The following ARHGAP6 variants were observed in gnomAD, a reference collection of about 807,000 sequenced individuals.
ARHGAP6 encodes the protein rho GTPase-activating protein 6.
A neutral mutation model predicts 55.7 loss-of-function variants in ARHGAP6; 16 were observed. The ratio of observed to expected loss-of-function variants is 0.29; its 90% confidence interval spans 0.19 to 0.44. The LOEUF (loss-of-function observed/expected upper bound fraction) is 0.44, where lower values mean the gene tolerates loss of function less well. ARHGAP6 is among the 20% of genes least tolerant of loss of function. The pLI, the probability that ARHGAP6 is intolerant of heterozygous loss-of-function variation, is 1.00. For synonymous variants in ARHGAP6, 382 were observed against 360.9 expected, an observed-to-expected ratio of 1.06 and a Z score of -0.66; for missense variants, 698 against 808.9, an observed-to-expected ratio of 0.86 and a Z score of 1.66.
chrX:11,162,501 T>C (rs753693065), intron 9 of ARHGAP6, among the ~76,000 whole-genome samples: 1 of 111,484 alleles, frequency 9.0e-6, no homozygotes, highest in African/African-American at 3.3e-5. Flanking sequence ...TTACCTGCAC[T>C]TCTATGACCC....
At chrX:11,190,932 A>G (rs1206286936) in intron 3 of ARHGAP6, among the ~76,000 whole-genome samples, 1 of 112,311 alleles carries the variant, frequency 8.9e-6, no homozygotes, top group African/African-American at 3.2e-5. Flanking sequence ...TGTGCCCTCC[A>G]CCACCCTCCT....
intron 1 of ARHGAP6, among the ~76,000 whole-genome samples, chrX:11,347,492 G>T (rs1156665623): frequency 1.8e-5 from 2 of 112,143 alleles, no homozygotes; most frequent in Non-Finnish European, 3.8e-5. Context: ...TAATAAAACA[G>T]AGAGTGCAGA....
chrX:11,264,149 GGATCT>G (rs2047594920), intron 1 of ARHGAP6, among the ~76,000 whole-genome samples: 1 of 110,441 alleles, frequency 9.1e-6, no homozygotes, highest in East Asian at 2.8e-4. Context: ...TCTATGATTA[GGATCT>G]GCCTTTTGCC....
chrX:11,611,042 G>A (rs1040163896), intron 1 of ARHGAP6, among the ~76,000 whole-genome samples: 1 of 112,719 alleles, frequency 8.9e-6, no homozygotes, highest in African/African-American at 3.2e-5. Context: ...TTTTATGGAT[G>A]TACCATATTT....
chrX:11,404,219 C>A (rs930963517), intron 1 of ARHGAP6, among the ~76,000 whole-genome samples: 5 of 111,212 alleles, frequency 4.5e-5, no homozygotes, highest in Non-Finnish European at 7.5e-5. Context: ...TCTGTCTTGT[C>A]CCCCTACCAT....
chrX:11,367,942 C>G (rs1464353680), intron 1 of ARHGAP6: 3 of 180,855 alleles, frequency 1.7e-5, no homozygotes, highest in Non-Finnish European at 1.7e-5. Context: ...ACGTGAACTG[C>G]CTTCAACCAA....
At chrX:11,256,782 G>C (rs2047499629) in intron 1 of ARHGAP6, among the ~76,000 whole-genome samples, 1 of 111,816 alleles carries the variant, frequency 8.9e-6, no homozygotes, top group Non-Finnish European at 1.9e-5. Flanking sequence ...TGTTAAAGAA[G>C]TTATGGCTTT....
At chrX:11,465,230 A>C (rs1381099085) in intron 1 of ARHGAP6, among the ~76,000 whole-genome samples, 2 of 112,044 alleles carry the variant, frequency 1.8e-5, no homozygotes, top group Non-Finnish European at 3.8e-5. Context: ...CTTTGCGTGC[A>C]ACTCTAATTT....
At chrX:11,153,597 G>C (rs770337926) in intron 10 of ARHGAP6, among the ~76,000 whole-genome samples, 7 of 96,030 alleles carry the variant, frequency 7.3e-5, no homozygotes, top group African/African-American at 2.3e-4. Context: ...AGCCTCAAAA[G>C]ACCACTAAAA....
At chrX:11,664,188 A>G (rs9887011) in intron 1 of ARHGAP6, 53 bp downstream of exon 1, 199,535 of 1,100,337 alleles carry the variant, frequency 0.18, 13,593 homozygotes, top group Middle Eastern at 0.23. Context: ...GTCTCCTGAA[A>G]CTGCCTGGGG....
At chrX:11,194,970 T>C (rs1381833335) in intron 3 of ARHGAP6, among the ~76,000 whole-genome samples, 2 of 112,253 alleles carry the variant, frequency 1.8e-5, no homozygotes, top group Non-Finnish European at 3.8e-5. Context: ...TGTATGGCTG[T>C]TCTCATTCAA....
chrX:11,598,663 G>A (rs2051933011), intron 1 of ARHGAP6, among the ~76,000 whole-genome samples: 1 of 112,620 alleles, frequency 8.9e-6, no homozygotes, highest in South Asian at 3.7e-4. Flanking sequence ...CATCCATGTT[G>A]CTGCAAAGGA....
Position 11,665,777 on chromosome X carries a change from G to A in ARHGAP6, c.-949C>T, listed in dbSNP as rs2052751540. Reference sequence around the variant, plus strand: ...AGCGGGAAGGGGGCGGCCAGGACGTGTAGAGCTGGAGGAATGCCGGGGCTG... The same window carrying A: ...AGCGGGAAGGGGGCGGCCAGGACGTATAGAGCTGGAGGAATGCCGGGGCTG... On this transcript the variant is annotated 5_prime_UTR_variant, in exon 1 of 13. Coordinates refer to ENST00000337414, the MANE Select transcript of ARHGAP6 (RefSeq NM_013427.3). 1 of 113,481 alleles carries A rather than the reference G, an allele frequency of 8.8e-6. No homozygotes were observed. Among genetic ancestry groups the A allele is most frequent in the East Asian group, 2.8e-4 (1 of 3,597 alleles). 9.4% of individuals were successfully genotyped at this position (113,481 alleles called of 1,213,427 possible).
At chrX:11,400,502 G>A (rs1211033353) in intron 1 of ARHGAP6, among the ~76,000 whole-genome samples, 1 of 91,558 alleles carries the variant, frequency 1.1e-5, no homozygotes, top group Non-Finnish European at 2.2e-5. Context: ...GTGCCCCCCC[G>A]CACCCCGTCC....
At chrX:11,609,423 T>C (rs910341724) in intron 1 of ARHGAP6, among the ~76,000 whole-genome samples, 1 of 111,868 alleles carries the variant, frequency 8.9e-6, no homozygotes, top group Non-Finnish European at 1.9e-5. Context: ...CTATGGCATT[T>C]TTCTACTTAC....
intron 10 of ARHGAP6, among the ~76,000 whole-genome samples, chrX:11,153,980 C>G (rs2147282898): frequency 9.2e-6 from 1 of 108,562 alleles, no homozygotes; most frequent in Non-Finnish European, 1.9e-5. Context: ...CATCCCACAA[C>G]AGACCCCGGA....
intron 1 of ARHGAP6, among the ~76,000 whole-genome samples, chrX:11,469,834 A>C (rs2050330579): frequency 8.9e-6 from 1 of 111,838 alleles, no homozygotes; most frequent in Non-Finnish European, 1.9e-5. Flanking sequence ...AGGGGGGCAC[A>C]CTTGTGAGTC....
intron 1 of ARHGAP6, among the ~76,000 whole-genome samples, chrX:11,551,973 G>T (rs2051270815): frequency 9.0e-6 from 1 of 111,658 alleles, no homozygotes; most frequent in Non-Finnish European, 1.9e-5. Context: ...CATTACAGCA[G>T]CCTTAGCAAA....
At chrX:11,350,135 T>A (rs2048842433) in intron 1 of ARHGAP6, among the ~76,000 whole-genome samples, 1 of 111,446 alleles carries the variant, frequency 9.0e-6, no homozygotes, top group Non-Finnish European at 1.9e-5. Flanking sequence ...GGGCTCCAGT[T>A]CCCTTTTCTA....
Sources: gnomAD v4.1 joint callset for allele counts (sites outside exome capture counted in the v4.1 genomes callset) on GRCh38, gnomAD v4.1.1 for gene constraint, MANE v1.5 for transcripts, NCBI Gene and HGNC (gene_info 2026-07-23, HGNC 2026-07-21) for gene names.